DGKQ: variants seen among roughly 807,000 people sequenced by gnomAD.
DGKQ encodes diacylglycerol kinase theta, also known as DAG kinase theta.
DGKQ carries 97 observed loss-of-function variants against 104.2 expected under a neutral mutation model. That is an observed-to-expected ratio of 0.93 (90% confidence interval 0.79 to 1.10). DGKQ has a LOEUF of 1.10. Ranked by LOEUF, DGKQ falls within the 50% of genes least tolerant of loss-of-function variation. The pLI, the probability that DGKQ is intolerant of heterozygous loss-of-function variation, is 0.00. For missense variants in DGKQ, 1,465 were observed against 1,352.1 expected (o/e 1.08, Z -1.31); for synonymous variants, 736 against 595.2 (o/e 1.24, Z -3.44).
chr4:961,248 C>T, intron 21 of DGKQ, 47 bp from the exon 22 acceptor site: 1 of 1,462,912 alleles, frequency 6.8e-7, no homozygotes, highest in Non-Finnish European at 9.1e-7. Flanking sequence ...CAGGGACGCC[C>T]ACCGCTGACC....
chr4:971,939 A>C lies in DGKQ; in HGVS notation c.272-867T>G, dbSNP rs1712963786. Reference sequence around the variant, plus strand: ...TGCAGCCCTAGCCACCCCAGTCTCCAGATGGGACCGGGAGAAGCTTCTCCT... The same window carrying C: ...TGCAGCCCTAGCCACCCCAGTCTCCCGATGGGACCGGGAGAAGCTTCTCCT... On this transcript the variant is annotated intron_variant, in intron 1 of 22. Coordinates refer to ENST00000273814, the MANE Select transcript of DGKQ (RefSeq NM_001347.4). The surrounding 1 kb of genome is among the most constrained non-coding windows in gnomAD (Gnocchi z 4.0). Among the ~76,000 whole-genome samples, 1 of 152,062 alleles carries C rather than the reference A, an allele frequency of 6.6e-6. No individual in the cohort carries two copies. Among genetic ancestry groups the C allele is most frequent in the African/African-American group, 2.4e-5 (1 of 41,412 alleles).
chr4:964,238 G>A (rs1029692782), intron 15 of DGKQ: 1 of 154,434 alleles, frequency 6.5e-6, no homozygotes, highest in East Asian at 1.9e-4. Flanking sequence ...AGGGGCACAG[G>A]AGGGAGGCAT....
intron 11 of DGKQ, 78 bp downstream of exon 11, chr4:966,670 C>G: frequency 6.5e-7 from 1 of 1,528,912 alleles, no homozygotes; most frequent in East Asian, 2.4e-5. Context: ...CGGCACCACC[C>G]TGCAGGAAAG....
At chr4:965,457 G>T in intron 14 of DGKQ, 34 bp downstream of exon 14, 1 of 1,605,018 alleles carries the variant, frequency 6.2e-7, no homozygotes, top group Non-Finnish European at 8.5e-7. Flanking sequence ...ACACCCCTGG[G>T]CCTCATGTGA....
At chr4:966,316 T>G (rs564185227) in intron 12 of DGKQ, 150 bp downstream of exon 12, 7 of 918,280 alleles carry the variant, frequency 7.6e-6, no homozygotes, top group African/African-American at 1.7e-5. Flanking sequence ...AGGGACCAAG[T>G]AGCTCATGAC....
chr4:961,806 C>G lies in DGKQ; in HGVS notation c.2344G>C (p.Val782Leu), dbSNP rs537203372. 1 of 1,607,054 alleles carries G rather than the reference C, an allele frequency of 6.2e-7. No homozygotes were observed. Among genetic ancestry groups the G allele is most frequent in the East Asian group, 2.2e-5 (1 of 44,848 alleles). The change falls in exon 20 of 23, where the codon GTG becomes CTG. Residue 782 changes from valine (V) to leucine (L), a missense_variant. Coordinates refer to ENST00000273814, the MANE Select transcript of DGKQ (RefSeq NM_001347.4). Reference protein sequence around the residue: ...RLHNKGVYVRVGLQKISHSRS... With the variant: ...RLHNKGVYVRLGLQKISHSRS... Reference sequence around the variant, plus strand: ...GAGTGACTGATCTTCTGCAGCCCCACCCGCACGTACACACCCTTGTTGTGC... The same window carrying G: ...GAGTGACTGATCTTCTGCAGCCCCAGCCGCACGTACACACCCTTGTTGTGC...
intron 10 of DGKQ, 67 bp downstream of exon 10, chr4:966,897 G>C: frequency 3.9e-6 from 6 of 1,550,902 alleles, no homozygotes; most frequent in Non-Finnish European, 5.2e-6. Flanking sequence ...ATGGTGGCCT[G>C]GCCTCCTGGG....
At chr4:960,994 A>AT in intron 22 of DGKQ, 55 bp downstream of exon 22, 1 of 1,597,262 alleles carries the variant, frequency 6.3e-7, no homozygotes, top group South Asian at 1.1e-5. Flanking sequence ...GGCCACTCCC[A>AT]TGGCCGGCCC....
intron 2 of DGKQ, among the ~76,000 whole-genome samples, chr4:969,399 T>A (rs1250842271): frequency 6.6e-6 from 1 of 152,016 alleles, no homozygotes; most frequent in Admixed American, 6.5e-5. Flanking sequence ...CCATAACGAG[T>A]GTGGACCAAT....
intron 2 of DGKQ, among the ~76,000 whole-genome samples, chr4:969,521 A>C (rs1712755821): frequency 6.6e-6 from 1 of 152,222 alleles, no homozygotes; most frequent in South Asian, 2.1e-4. Context: ...ACCACACCCG[A>C]TAAAAGCATA....
Position 973,561 on chromosome 4 carries a change from C to G in DGKQ, c.-79G>C. The G allele has an allele frequency of 2.0e-6, 2 of 980,632 alleles. No homozygotes were observed. Among genetic ancestry groups the G allele is most frequent in the Non-Finnish European group, 2.4e-6 (2 of 825,900 alleles). 60.7% of individuals were successfully genotyped at this position (980,632 alleles called of 1,614,324 possible). A position where few individuals can be genotyped will look rare whatever the true frequency, so the allele number is the denominator to read the frequency against. On this transcript the variant is annotated 5_prime_UTR_variant, in exon 1 of 23. Transcript: ENST00000273814. Reference sequence around the variant, plus strand: ...CGCCGCTCCACGGCCCGGTACACTGCTTCCGACTGCGCCTGCCCCACTGCG... The same window carrying G: ...CGCCGCTCCACGGCCCGGTACACTGGTTCCGACTGCGCCTGCCCCACTGCG...
In DGKQ at chr4:971,188, C is replaced by T. The variant is rs1712904289; in HGVS notation, c.272-116G>A. 5 of 733,520 alleles carry T rather than the reference C, an allele frequency of 6.8e-6. No homozygotes were observed. The highest frequency in any genetic ancestry group is 5.1e-5 in the South Asian group (3 of 58,734). 45.4% of individuals were successfully genotyped at this position (733,520 alleles called of 1,614,324 possible). On this transcript the variant is annotated intron_variant, in intron 1 of 22. Coordinates refer to ENST00000273814, the MANE Select transcript of DGKQ (RefSeq NM_001347.4). This position sits in a 1 kb window ranked among gnomAD's most constrained non-coding sequence, Gnocchi z 4.0. ...ATACCCACCATGCTGCACCAGGGGC[C>T]CTGTGGTCCTCGAGTTCCCCCACCA...
chr4:968,163 AC>A, intron 5 of DGKQ, 118 bp downstream of exon 5: 1 of 355,300 alleles, frequency 2.8e-6, no homozygotes, highest in Non-Finnish European at 3.9e-6. Context: ...GCCCCCGAGC[AC>A]CCACCTGGAA....
In DGKQ at chr4:959,875, T is replaced by A. The variant is rs1351915546; in HGVS notation, c.*745A>T. ...TGCTGCCAGGGCAGCACCTGAGACC[T>A]CCTAGCCTCCACGTGGACAGAGGTT... On this transcript the variant is annotated 3_prime_UTR_variant, in exon 23 of 23. Coordinates refer to ENST00000273814, the MANE Select transcript of DGKQ (RefSeq NM_001347.4). The A allele has an allele frequency of 7.2e-5, 11 of 151,816 alleles. No individual in the cohort carries two copies. Among genetic ancestry groups the A allele is most frequent in the African/African-American group, 2.7e-4 (11 of 41,302 alleles). The allele number at this position is 151,816 out of a possible 1,614,324, so 9.4% of individuals were successfully genotyped here. A position where few individuals can be genotyped will look rare whatever the true frequency, so the allele number is the denominator to read the frequency against.
rs1712653496 is a variant in DGKQ, at chr4:968,535, C to T, written c.481G>A (p.Val161Met). Residue 161 changes from valine (V) to methionine (M), a missense_variant, in exon 4 of 23, where the codon GTG (valine) becomes ATG (methionine). By Grantham distance (21) the Val-to-Met change is conservative. Coordinates refer to ENST00000273814, the MANE Select transcript of DGKQ (RefSeq NM_001347.4). ...CGGCAGTCACTGCAGGCGAAGGGCA[C>T]ACAGTCTGGGTGGAGGTGCAGCTCA... is the stretch of plus-strand genomic sequence containing the variant. Reference protein sequence around the residue: ...VCELHLHPDCVPFACSDCRQC... With the variant: ...VCELHLHPDCMPFACSDCRQC... The T allele has an allele frequency of 1.2e-6, 2 of 1,609,554 alleles. No homozygotes were observed. Among genetic ancestry groups the T allele is most frequent in the African/African-American group, 1.3e-5 (1 of 74,806 alleles).
rs977490591 is a variant in DGKQ at position 960,613 on chromosome 4, G to A, written c.*7C>T. Reference sequence around the variant, plus strand: ...TGGCTCGAGCCCTTGGGCTGCCCCAGCCACCCCTACCTAGGATCGCTCTCA... The same window carrying A: ...TGGCTCGAGCCCTTGGGCTGCCCCAACCACCCCTACCTAGGATCGCTCTCA... On this transcript the variant is annotated 3_prime_UTR_variant, in exon 23 of 23. Coordinates refer to ENST00000273814, the MANE Select transcript of DGKQ (RefSeq NM_001347.4). The A allele has an allele frequency of 8.1e-6, 13 of 1,608,526 alleles. No homozygotes were observed. The African/African-American group carries it at 1.2e-4, about 15-fold the overall frequency.
In DGKQ at chr4:968,509, G is replaced by A. The variant is rs1712651315; in HGVS notation, c.507C>T (p.Arg169=). ...DCVPFACSDC[R]QCHQDGHQDH... is the part of the protein sequence containing the mutation. ...CCTGGTGCCCATCCTGGTGGCACTG[G>A]CGGCAGTCACTGCAGGCGAAGGGCA... The change falls in exon 4 of 23, where the codon CGC becomes CGT. Residue 169 remains arginine, a synonymous_variant. Transcript: ENST00000273814. The A allele has an allele frequency of 1.9e-6, 3 of 1,609,040 alleles. No homozygotes were observed. The highest frequency in any genetic ancestry group is 2.5e-6 in the Non-Finnish European group (3 of 1,178,272).
chr4:965,570 G>A (rs749379483), intron 13 of DGKQ, 41 bp from the exon 14 acceptor site: 4 of 1,605,644 alleles, frequency 2.5e-6, no homozygotes, highest in South Asian at 1.1e-5. Flanking sequence ...GGAGGCGAAG[G>A]ACACACAGCA....
rs1343708958 is a variant in DGKQ, at chr4:966,944, A to C, written c.1311+20T>G. On this transcript the variant is annotated intron_variant, in intron 10 of 22. Coordinates refer to ENST00000273814, the MANE Select transcript of DGKQ (RefSeq NM_001347.4). ...CCCACCGAGTCTGGCCGGCATGGGG[A>C]GCAGGCACAGGGTACGCACCTGGCG... is the stretch of plus-strand genomic sequence containing the variant. 1 of 1,554,126 alleles carries C rather than the reference A, an allele frequency of 6.4e-7. No homozygotes were observed. Among genetic ancestry groups the C allele is most frequent in the African/African-American group, 1.4e-5 (1 of 73,350 alleles).
Sources: gnomAD v4.1 joint callset for allele counts (sites outside exome capture counted in the v4.1 genomes callset) on GRCh38, gnomAD v4.1.1 for gene constraint, Gnocchi (gnomAD v3.1) non-coding constraint, MANE v1.5 for transcripts, NCBI Gene and HGNC (gene_info 2026-07-23, HGNC 2026-07-21) for gene names.